The following NEDD4L variants were observed in gnomAD, a reference collection of about 807,000 sequenced individuals.
NEDD4L encodes the protein E3 ubiquitin-protein ligase NEDD4-like.
NEDD4L carries 54 observed loss-of-function variants against 148.9 expected under a neutral mutation model. The observed-to-expected ratio is 0.36, with a 90% CI of 0.29 to 0.45. NEDD4L has a LOEUF of 0.45. NEDD4L is among the 20% of genes least tolerant of loss of function. The pLI, the probability that NEDD4L is intolerant of heterozygous loss-of-function variation, is 1.00. For missense variants in NEDD4L, 856 were observed against 1,233.8 expected, an observed-to-expected ratio of 0.69 and a Z score of 4.59; for synonymous variants, 433 against 440.7, an observed-to-expected ratio of 0.98 and a Z score of 0.22.
chr18:58,393,752 G>A (rs2050128062), intron 30 of NEDD4L, among the ~76,000 whole-genome samples: 1 of 152,196 alleles, frequency 6.6e-6, no homozygotes, highest in East Asian at 1.9e-4. Context: ...GCCATACATA[G>A]GTTTAATTTC....
intron 11 of NEDD4L, among the ~76,000 whole-genome samples, chr18:58,331,880 G>A (rs776207146): frequency 8.5e-5 from 13 of 152,170 alleles, no homozygotes; most frequent in South Asian, 2.1e-4. Context: ...GACAGTATAC[G>A]CCTCTATTAC....
At chr18:58,103,376 C>T (rs1218584762) in intron 1 of NEDD4L, among the ~76,000 whole-genome samples, 2 of 151,562 alleles carry the variant, frequency 1.3e-5, no homozygotes, top group East Asian at 3.9e-4. Context: ...AATACCAGTT[C>T]CCCAACAACT....
At chr18:58,356,075 C>T (rs1182748467) in intron 18 of NEDD4L, among the ~76,000 whole-genome samples, 5 of 152,078 alleles carry the variant, frequency 3.3e-5, no homozygotes, top group African/African-American at 1.2e-4. Flanking sequence ...ACCTCAGCCT[C>T]CCAAGTAGCT....
intron 13 of NEDD4L, among the ~76,000 whole-genome samples, chr18:58,339,157 G>A (rs1353916907): frequency 6.6e-6 from 1 of 152,070 alleles, no homozygotes; most frequent in Non-Finnish European, 1.5e-5. Flanking sequence ...AGGGGCCTGG[G>A]AGAGGGGGAA....
chr18:58,282,534 A>G (rs1295170177), intron 5 of NEDD4L, among the ~76,000 whole-genome samples: 1 of 152,240 alleles, frequency 6.6e-6, no homozygotes, highest in Non-Finnish European at 1.5e-5. Context: ...GTAGACATCC[A>G]CTGAATGGTT....
Position 58,315,482 on chromosome 18 carries a change from A to G in NEDD4L, c.298-500A>G, listed in dbSNP as rs551014803. Among the ~76,000 whole-genome samples, 6 of 151,808 alleles carry G rather than the reference A, an allele frequency of 4.0e-5. No individual in the cohort carries two copies. In the South Asian group the frequency reaches 6.2e-4, roughly 16 times the overall value. On this transcript the variant is annotated intron_variant, in intron 5 of 30. Coordinates refer to ENST00000400345, the MANE Select transcript of NEDD4L (RefSeq NM_001144967.3). ...CACTTACTAGATTAAAAAAAAAACA[A>G]TGTACTTACTGGATTTAAAAAGTGT... is the stretch of plus-strand genomic sequence containing the variant.
chr18:58,299,583 A>G (rs1051704715), intron 5 of NEDD4L, among the ~76,000 whole-genome samples: 7 of 152,224 alleles, frequency 4.6e-5, no homozygotes, highest in Non-Finnish European at 1.0e-4. Context: ...GCCCTAAGTT[A>G]TCTTCTATGG....
chr18:58,372,065 AAG>A (rs1481164410), intron 23 of NEDD4L: 2 of 152,174 alleles, frequency 1.3e-5, no homozygotes, highest in African/African-American at 4.8e-5. Flanking sequence ...AAGCACAAGA[AAG>A]GGGATAACTT....
chr18:58,225,322 C>T (rs2044233073), intron 2 of NEDD4L, among the ~76,000 whole-genome samples: 1 of 152,160 alleles, frequency 6.6e-6, no homozygotes, highest in Non-Finnish European at 1.5e-5. Context: ...TTAGCAATAA[C>T]CAGGTTAGGG....
intron 1 of NEDD4L, among the ~76,000 whole-genome samples, chr18:58,151,658 T>TGTGTGTGTG (rs60365242): frequency 9.3e-5 from 14 of 151,142 alleles, no homozygotes; most frequent in South Asian, 6.3e-4. Flanking sequence ...TGTGTGTGTG[T>TGTGTGTGTG]TGGCTGGAGA....
At chr18:58,105,337 T>C (rs1383700741) in intron 1 of NEDD4L, among the ~76,000 whole-genome samples, 1 of 152,182 alleles carries the variant, frequency 6.6e-6, no homozygotes, top group African/African-American at 2.4e-5. Flanking sequence ...TCCCTGCATT[T>C]TGACACAGGC....
At chr18:58,147,554 T>G (rs1366020201) in intron 1 of NEDD4L, among the ~76,000 whole-genome samples, 1 of 152,214 alleles carries the variant, frequency 6.6e-6, no homozygotes, top group Non-Finnish European at 1.5e-5. Context: ...CTGTACATTG[T>G]CAGGACGGCT....
chr18:58,060,982 A>G (rs1033785875), intron 1 of NEDD4L, among the ~76,000 whole-genome samples: 20 of 151,536 alleles, frequency 1.3e-4, no homozygotes, highest in Non-Finnish European at 2.9e-4. Flanking sequence ...CTGGTCTCAA[A>G]CTCCTGACCT....
At chr18:58,358,388 G>A (rs779054604) in intron 19 of NEDD4L, among the ~76,000 whole-genome samples, 28 of 151,928 alleles carry the variant, frequency 1.8e-4, no homozygotes, top group Admixed American at 5.9e-4. Context: ...ATATATATTC[G>A]CAGTCACAGT....
chr18:58,365,118 A>G (rs2045949538), intron 20 of NEDD4L, among the ~76,000 whole-genome samples: 2 of 152,176 alleles, frequency 1.3e-5, no homozygotes, highest in African/African-American at 4.8e-5. Flanking sequence ...CTGCCCGGGA[A>G]CATCTCTGGA....
chr18:58,195,725 T>G (rs541016635), intron 2 of NEDD4L: 24 of 1,351,472 alleles, frequency 1.8e-5, no homozygotes, highest in African/African-American at 5.9e-5. Context: ...TCTTCCTGCC[T>G]GGAATCTGGT....
intron 5 of NEDD4L, among the ~76,000 whole-genome samples, chr18:58,287,841 C>CAG (rs1345204017): frequency 6.6e-6 from 1 of 152,098 alleles, no homozygotes; most frequent in Non-Finnish European, 1.5e-5. Context: ...AAGCAAGGAG[C>CAG]AGAGTCCATT....
At chr18:58,322,308 A>C (rs1292485891) in intron 6 of NEDD4L, 117 bp from the exon 7 acceptor site, 1 of 749,920 alleles carries the variant, frequency 1.3e-6, no homozygotes. Context: ...GAAGAAACAC[A>C]TTCAGCGGTG....
chr18:58,165,715 T>G lies in NEDD4L; in HGVS notation c.49-73T>G, dbSNP rs1159261723. Reference sequence around the variant, plus strand: ...ACTGGACTGAGTAGAAATCAATTACTTTAATATTGGATGAGAGAGTGATTG... The same window carrying G: ...ACTGGACTGAGTAGAAATCAATTACGTTAATATTGGATGAGAGAGTGATTG... On this transcript the variant is annotated intron_variant, in intron 1 of 30. Coordinates refer to ENST00000400345, the MANE Select transcript of NEDD4L (RefSeq NM_001144967.3). The G allele has an allele frequency of 2.0e-6, 3 of 1,526,796 alleles. No homozygotes were observed. In the African/African-American group the frequency reaches 4.1e-5, roughly 21 times the overall value. 94.6% of individuals were successfully genotyped at this position (1,526,796 alleles called of 1,614,324 possible). A position where few individuals can be genotyped will look rare whatever the true frequency, so the allele number is the denominator to read the frequency against.
Sources: gnomAD v4.1 joint callset for allele counts (sites outside exome capture counted in the v4.1 genomes callset) on GRCh38, gnomAD v4.1.1 for gene constraint, MANE v1.5 for transcripts, NCBI Gene and HGNC (gene_info 2026-07-23, HGNC 2026-07-21) for gene names.